The following SMTNL1 variants were observed in gnomAD, a reference collection of about 807,000 sequenced individuals.
SMTNL1 encodes the protein smoothelin like 1.
Under a neutral mutation model 46.6 loss-of-function variants are expected in SMTNL1, and 41 were observed. The observed-to-expected ratio is 0.88, with a 90% confidence interval of 0.69 to 1.14. The LOEUF (loss-of-function observed/expected upper bound fraction) is 1.14. SMTNL1 is among the 50% of genes most tolerant of loss of function. The pLI, the probability that SMTNL1 is intolerant of heterozygous loss-of-function variation, is 0.00. For synonymous variants in SMTNL1, 234 were observed against 234.2 expected (o/e 1.00, Z 0.01); for missense variants, 591 against 626.1 (o/e 0.94, Z 0.60).
intron 1 of SMTNL1, among the ~76,000 whole-genome samples, chr11:57,539,795 G>T (rs1944858598): frequency 6.6e-6 from 1 of 152,150 alleles, no homozygotes; most frequent in South Asian, 2.1e-4. Context: ...TTCTAAGCAT[G>T]GGCTTTCTTA....
chr11:57,539,988 CAGAG>C (rs1944860476), intron 1 of SMTNL1, among the ~76,000 whole-genome samples: 1 of 152,034 alleles, frequency 6.6e-6, no homozygotes, highest in Non-Finnish European at 1.5e-5. Flanking sequence ...CAAACAAGAG[CAGAG>C]AGAAAGAGGG....
rs1322705263 is a variant in SMTNL1, at chr11:57,542,660, G to A, written c.18G>A (p.Gly6=). Residue 6 remains glycine, a synonymous_variant, in exon 2 of 8, where the codon GGG becomes GGA. Transcript: ENST00000527972. ...TTCCAGAGATGGAGCAGAAGGAAGG[G>A]AAGCTCTCTGAGGATGGGACCACCG... is the stretch of plus-strand genomic sequence containing the variant. MEQKE[G]KLSEDGTTVS... The A allele has an allele frequency of 1.2e-6, 2 of 1,609,328 alleles. No individual in the cohort carries two copies.
chr11:57,540,982 T>G (rs1156994623), intron 1 of SMTNL1, among the ~76,000 whole-genome samples: 1 of 152,180 alleles, frequency 6.6e-6, no homozygotes, highest in Non-Finnish European at 1.5e-5. Context: ...GTGCTGGGAT[T>G]ACAGGTGTGA....
chr11:57,541,413 C>T (rs1164936940), intron 1 of SMTNL1: 2 of 1,215,918 alleles, frequency 1.6e-6, no homozygotes, highest in African/African-American at 1.6e-5. Flanking sequence ...AAGGAGCTAA[C>T]CCGGGGCCCC....
At position 57,542,038 on chromosome 11, in the gene SMTNL1, C is replaced by T. The variant is rs530051364; in HGVS notation, c.-2-603C>T. 2.2e-3 allele frequency among the ~76,000 whole-genome samples: 331 copies of T among 151,348 alleles called. 1 individual carries two copies. Among genetic ancestry groups the T allele is most frequent in the Non-Finnish European group, 2.8e-3 (193 of 67,918 alleles). On this transcript the variant is annotated intron_variant, in intron 1 of 7. Coordinates refer to ENST00000527972, the MANE Select transcript of SMTNL1 (RefSeq NM_001105565.3). The stretch of plus-strand genomic sequence containing the variant: ...ATCCCAGAACCTTGGGAGGCCGAGG[C>T]AGGTGGATTGCTTGAGCTCAGGAGT...
rs761373957 is a variant in SMTNL1 at position 57,546,230 on chromosome 11, C to T, written c.1074-3C>T. On this transcript the variant is annotated splice_region_variant and splice_polypyrimidine_tract_variant and intron_variant, in intron 5 of 7. Transcript: ENST00000527972. Reference sequence around the variant, plus strand: ...TTGGCCTTGCACCCCTCTCCCCTCACAGGGCAGCTTCCGGCCCCACGGCCT... The same window carrying T: ...TTGGCCTTGCACCCCTCTCCCCTCATAGGGCAGCTTCCGGCCCCACGGCCT... 2.5e-5 allele frequency: 40 copies of T among 1,592,180 alleles called. No homozygotes were observed. The highest frequency in any genetic ancestry group is 1.1e-4 in the African/African-American group (8 of 74,502).
intron 7 of SMTNL1, among the ~76,000 whole-genome samples, chr11:57,548,935 A>G (rs1168788272): frequency 6.6e-6 from 1 of 152,100 alleles, no homozygotes; most frequent in African/African-American, 2.4e-5. Context: ...TGATAAGTAC[A>G]TAGAGACTGA....
chr11:57,545,391 G>A (rs1290529750), intron 4 of SMTNL1, among the ~76,000 whole-genome samples: 2 of 151,822 alleles, frequency 1.3e-5, no homozygotes, highest in African/African-American at 4.8e-5. Context: ...GATCACTTGA[G>A]GTCAGGTGTT....
intron 7 of SMTNL1, among the ~76,000 whole-genome samples, chr11:57,547,247 T>C (rs925562298): frequency 1.3e-5 from 2 of 152,218 alleles, no homozygotes; most frequent in African/African-American, 4.8e-5. Flanking sequence ...GCTCCTGACC[T>C]GCAGGCTGTG....
chr11:57,541,383 C>G, intron 1 of SMTNL1: 2 of 665,310 alleles, frequency 3.0e-6, no homozygotes, highest in South Asian at 4.0e-5. Context: ...ACTACACCCC[C>G]CAAAAAGGGC....
chr11:57,546,372 G>A (rs1944923773), intron 6 of SMTNL1, 25 bp downstream of exon 6: 4 of 1,582,164 alleles, frequency 2.5e-6, no homozygotes, highest in Non-Finnish European at 3.4e-6. Flanking sequence ...GAGCTGCGTG[G>A]GTGGGGCAGG....
chr11:57,541,422 C>T (rs2135261306), intron 1 of SMTNL1: 1 of 1,289,042 alleles, frequency 7.8e-7, no homozygotes, highest in Non-Finnish European at 1.0e-6. Context: ...ACCCGGGGCC[C>T]CCACACACCT....
In SMTNL1 at chr11:57,543,663, GA is replaced by G; in HGVS notation, c.777del (p.Glu260SerfsTer8). The G allele has an allele frequency of 6.2e-7, 1 of 1,605,758 alleles. No homozygotes were observed. The highest frequency in any genetic ancestry group is 1.7e-5 in the Admixed American group (1 of 58,686). ...CAGCGAAGAGCAGGAGCAGGACGTG[GA>G]AAAAGAGCCAGAGGGAGGGGCAGGG... ...SPSEEQEQDV[E>X]KEPEGGAGVI... On this transcript the variant is annotated frameshift_variant, in exon 3 of 8. Transcript: ENST00000527972. LOFTEE classifies it high-confidence loss of function.
At chr11:57,540,878 T>G (rs1171912226) in intron 1 of SMTNL1, among the ~76,000 whole-genome samples, 2 of 152,100 alleles carry the variant, frequency 1.3e-5, no homozygotes, top group Non-Finnish European at 2.9e-5. Context: ...ACCCAGCTAA[T>G]TTTTGTATTT....
chr11:57,538,959 G>A (rs1944852429), intron 1 of SMTNL1, among the ~76,000 whole-genome samples: 1 of 152,156 alleles, frequency 6.6e-6, no homozygotes, highest in South Asian at 2.1e-4. Flanking sequence ...AAGCTGAGGT[G>A]ATAAACACGC....
Sources: allele counts gnomAD v4.1 joint callset (sites outside exome capture counted in the v4.1 genomes callset), GRCh38; gene constraint gnomAD v4.1.1; transcripts MANE v1.5; gene names NCBI Gene and HGNC (gene_info 2026-07-23, HGNC 2026-07-21).